SLC25A21: variants seen among roughly 807,000 people sequenced by gnomAD.
SLC25A21 encodes mitochondrial 2-oxodicarboxylate carrier.
A neutral mutation model predicts 43.8 loss-of-function variants in SLC25A21; 47 were observed. The observed-to-expected ratio is 1.07, with a 90% CI of 0.85 to 1.37. SLC25A21 has a LOEUF of 1.37. Among genes scored for constraint, SLC25A21 ranks in the 40% most tolerant of loss-of-function variants. SLC25A21 has a pLI of 0.00. For missense variants in SLC25A21, 352 were observed against 350.2 expected (o/e 1.00, Z -0.04); for synonymous variants, 131 against 121.3 (o/e 1.08, Z -0.52).
intron 1 of SLC25A21, among the ~76,000 whole-genome samples, chr14:37,049,343 G>T (rs1192449743): frequency 6.6e-6 from 1 of 152,146 alleles, no homozygotes; most frequent in East Asian, 1.9e-4. Context: ...AGGCCAAGGT[G>T]GGAGGATGGC....
chr14:36,980,031 G>A (rs1435467386), intron 1 of SLC25A21, among the ~76,000 whole-genome samples: 2 of 152,174 alleles, frequency 1.3e-5, no homozygotes, highest in African/African-American at 2.4e-5. Flanking sequence ...GTTACCTATA[G>A]GGAAGACTTA....
At chr14:36,718,146 ATTAT>A (rs1884224931) in intron 6 of SLC25A21, among the ~76,000 whole-genome samples, 1 of 152,204 alleles carries the variant, frequency 6.6e-6, no homozygotes, top group Non-Finnish European at 1.5e-5. Context: ...AGCTATTATC[ATTAT>A]TTCAAAGTCT....
At chr14:36,905,621 AT>A (rs112429306) in intron 1 of SLC25A21, among the ~76,000 whole-genome samples, 2,623 of 146,152 alleles carry the variant, frequency 0.018, 64 homozygotes, top group African/African-American at 0.059. Flanking sequence ...CCCCGAAGGG[AT>A]TTTTTTTTTT....
intron 1 of SLC25A21, among the ~76,000 whole-genome samples, chr14:36,936,308 A>G (rs1488322703): frequency 1.3e-5 from 2 of 152,088 alleles, no homozygotes; most frequent in Non-Finnish European, 2.9e-5. Flanking sequence ...GAAGGAACCA[A>G]ACAGACTGGA....
chr14:36,762,700 C>T (rs911917390), intron 3 of SLC25A21, among the ~76,000 whole-genome samples: 1 of 152,146 alleles, frequency 6.6e-6, no homozygotes, highest in South Asian at 2.1e-4. Context: ...GGACATGAAT[C>T]TCTCTAAGTT....
intron 1 of SLC25A21, among the ~76,000 whole-genome samples, chr14:36,906,907 T>A (rs1891551232): frequency 6.6e-6 from 1 of 152,038 alleles, no homozygotes; most frequent in Non-Finnish European, 1.5e-5. Flanking sequence ...GCCATTGCAG[T>A]TTGTATGATC....
chr14:36,768,959 A>G (rs200988065), intron 3 of SLC25A21, among the ~76,000 whole-genome samples: 1 of 112,920 alleles, frequency 8.9e-6, no homozygotes, highest in Non-Finnish European at 1.8e-5. Flanking sequence ...AAAAACCTAT[A>G]TCTATCTATA....
intron 1 of SLC25A21, among the ~76,000 whole-genome samples, chr14:37,041,944 T>TCG: frequency 6.6e-6 from 1 of 152,166 alleles, no homozygotes; most frequent in Non-Finnish European, 1.5e-5. Context: ...TAAATGGCTG[T>TCG]AAGGAGGTCA....
At chr14:36,876,063 T>A (rs982112272) in intron 1 of SLC25A21, among the ~76,000 whole-genome samples, 1 of 152,212 alleles carries the variant, frequency 6.6e-6, no homozygotes, top group Admixed American at 6.5e-5. Flanking sequence ...CTGAGGTTGA[T>A]AATGTTCAAC....
intron 2 of SLC25A21, among the ~76,000 whole-genome samples, chr14:36,824,980 C>T (rs146247448): frequency 5.8e-4 from 88 of 152,026 alleles, no homozygotes; most frequent in African/African-American, 2.1e-3. Context: ...GTTTTAGATG[C>T]AGGTAGATGG....
chr14:36,965,801 G>A (rs1959598891), intron 1 of SLC25A21, among the ~76,000 whole-genome samples: 1 of 152,138 alleles, frequency 6.6e-6, no homozygotes, highest in Non-Finnish European at 1.5e-5. Flanking sequence ...CTAATCATCT[G>A]AGAACAGTTT....
At chr14:36,875,149 C>A in intron 1 of SLC25A21, 145 bp from the exon 2 acceptor site, 4 of 512,782 alleles carry the variant, frequency 7.8e-6, no homozygotes, top group Non-Finnish European at 6.9e-6. Context: ...AGGCTAGTGG[C>A]AAAAGACAGA....
intron 1 of SLC25A21, among the ~76,000 whole-genome samples, chr14:37,072,322 A>C (rs1962190701): frequency 6.6e-6 from 1 of 152,164 alleles, no homozygotes; most frequent in Non-Finnish European, 1.5e-5. Flanking sequence ...ATTTCCACAG[A>C]GCCTCAGGCT....
chr14:37,002,710 T>G (rs1355158530), intron 1 of SLC25A21, among the ~76,000 whole-genome samples: 1 of 151,750 alleles, frequency 6.6e-6, no homozygotes, highest in Non-Finnish European at 1.5e-5. Flanking sequence ...GTAAAATGAT[T>G]ACAAACTGTA....
intron 7 of SLC25A21, among the ~76,000 whole-genome samples, chr14:36,709,438 T>C (rs1883733251): frequency 6.6e-6 from 1 of 152,206 alleles, no homozygotes; most frequent in Admixed American, 6.5e-5. Flanking sequence ...CTTCGTGTCA[T>C]CCAGAACCAC....
chr14:37,040,379 GAAAGAAAGAAAGAA>G (rs1961439087), intron 1 of SLC25A21, among the ~76,000 whole-genome samples: 1 of 51,452 alleles, frequency 1.9e-5, no homozygotes, highest in Non-Finnish European at 3.3e-5. Context: ...GAGAGAGAAA[GAAAGAAAGAAAGAA>G]AGAAAGAAAG....
intron 3 of SLC25A21, chr14:36,806,717 T>C (rs1403592807): frequency 2.0e-5 from 3 of 152,318 alleles, no homozygotes; most frequent in Non-Finnish European, 2.9e-5. Context: ...CCTAGGTCCA[T>C]TGCTTTTAAG....
chr14:37,055,134 G>C (rs1203810091), intron 1 of SLC25A21, among the ~76,000 whole-genome samples: 1 of 152,322 alleles, frequency 6.6e-6, no homozygotes, highest in African/African-American at 2.4e-5. Context: ...GGTGTGAGAG[G>C]AAAGGACAGA....
At position 36,753,228 on chromosome 14, in the gene SLC25A21, TA is replaced by T. The variant is rs1199474492; in HGVS notation, c.204-18656del. Among the ~76,000 whole-genome samples, 92 of 152,330 alleles carry T rather than the reference TA, an allele frequency of 6.0e-4. 1 individual carries two copies. The highest frequency in any genetic ancestry group is 6.8e-3 in the Middle Eastern group (2 of 294). On this transcript the variant is annotated intron_variant, in intron 3 of 9. Coordinates refer to ENST00000331299, the MANE Select transcript of SLC25A21 (RefSeq NM_030631.4). ...ATAGCTAAAATGGCAAATTTTATGT[TA>T]TGTGTATTATGACATAATAAAAAAT...
Sources: allele counts gnomAD v4.1 joint callset (sites outside exome capture counted in the v4.1 genomes callset), GRCh38; gene constraint gnomAD v4.1.1; transcripts MANE v1.5; gene names NCBI Gene and HGNC (gene_info 2026-07-23, HGNC 2026-07-21).